The following MID2 variants were observed in gnomAD, a reference collection of about 807,000 sequenced individuals.
The protein encoded by MID2 is midline 2.
In MID2, 13 loss-of-function variants were observed where a neutral mutation model predicts 46.1. That is an observed-to-expected ratio of 0.28 (90% CI 0.18 to 0.45). The LOEUF (loss-of-function observed/expected upper bound fraction) is 0.45. MID2 is among the 20% of genes least tolerant of loss of function. The pLI is 1.00. For missense variants in MID2, 431 were observed against 575.4 expected (o/e 0.75, Z 2.57); for synonymous variants, 199 against 212.3 (o/e 0.94, Z 0.55).
rs1602504436 is a variant in MID2 at position 107,913,454 on chromosome X, T to C, written c.1074-2548T>C. Among the ~76,000 whole-genome samples the C allele has an allele frequency of 2.7e-5, 3 of 112,195 alleles. No individual in the cohort carries two copies. In the South Asian group the frequency reaches 1.1e-3, roughly 41 times the overall value. On this transcript the variant is annotated intron_variant, in intron 5 of 9. Coordinates refer to ENST00000262843, the MANE Select transcript of MID2 (RefSeq NM_012216.4). ...GAACTGTGGTGTCAAAGAAGACTTA[T>C]ATTTTAAGCTATTTTGAAATTTAAT...
intron 3 of MID2, among the ~76,000 whole-genome samples, chrX:107,903,325 G>GT (rs200111395): frequency 0.075 from 7,450 of 99,712 alleles, 263 homozygotes; most frequent in East Asian, 0.17. Context: ...CAGAATGGTA[G>GT]TTTTTTTTTT....
rs746654148 is a variant in MID2 at position 107,851,652 on chromosome X, AAAC to A, written c.721-2930_721-2928del. On this transcript the variant is annotated intron_variant, in intron 2 of 9. Coordinates refer to ENST00000262843, the MANE Select transcript of MID2 (RefSeq NM_012216.4). ...ACAGCTTTTGGTAAGTCCTCAGTGCAAACAACAACAACAACAACAACAACAACA... is the reference window on the plus strand; with the variant it reads ...ACAGCTTTTGGTAAGTCCTCAGTGCAAACAACAACAACAACAACAACAACA... Among the ~76,000 whole-genome samples, 199 of 108,805 alleles carry A rather than the reference AAAC, an allele frequency of 1.8e-3. 1 individual carries two copies. Among genetic ancestry groups the A allele is most frequent in the African/African-American group, 3.4e-3 (102 of 29,854 alleles). The allele number at this position is 108,805 out of a possible 115,157, so 94.5% of individuals were successfully genotyped here.
At chrX:107,916,200 T>C in intron 6 of MID2, 71 bp downstream of exon 6, 1 of 839,647 alleles carries the variant, frequency 1.2e-6, no homozygotes. Flanking sequence ...TAAAAATAAT[T>C]TGAAAAAGAC....
At position 107,931,539 on chromosome X, in the gene MID2, G is replaced by T. The variant is rs1390955302; in HGVS notation, c.*4466G>T. ...GTGTCTCTCCTAGTGACAGAAATATGAGCATCTGTGGATTACACAGCCTCA... is the reference window on the plus strand; with the variant it reads ...GTGTCTCTCCTAGTGACAGAAATATTAGCATCTGTGGATTACACAGCCTCA... On this transcript the variant is annotated 3_prime_UTR_variant, in exon 10 of 10. Transcript: ENST00000262843. Among the ~76,000 whole-genome samples, 2 of 112,043 alleles carry T rather than the reference G, an allele frequency of 1.8e-5. No homozygotes were observed. The highest frequency in any genetic ancestry group is 3.2e-5 in the African/African-American group (1 of 30,850).
chrX:107,902,247 T>C, intron 3 of MID2, among the ~76,000 whole-genome samples: 1 of 112,072 alleles, frequency 8.9e-6, no homozygotes, highest in Non-Finnish European at 1.9e-5. Context: ...GCATATAGTG[T>C]TATGTAAAGG....
rs759856205 is a variant in MID2 at position 107,911,279 on chromosome X, T to A, written c.1074-4723T>A. 2.7e-5 allele frequency among the ~76,000 whole-genome samples: 3 copies of A among 111,788 alleles called. No homozygotes were observed. In the East Asian group the frequency reaches 8.4e-4, roughly 31 times the overall value. On this transcript the variant is annotated intron_variant, in intron 5 of 9. Transcript: ENST00000262843. ...TTGCTAATAATTTCCTCCCCTTTAT[T>A]CTTTCTCTTCTTTGTTTATGGGACT... is the stretch of plus-strand genomic sequence containing the variant.
At chrX:107,912,718 T>C (rs2147868915) in intron 5 of MID2, among the ~76,000 whole-genome samples, 1 of 111,465 alleles carries the variant, frequency 9.0e-6, no homozygotes, top group South Asian at 3.8e-4. Context: ...TCTAGATGGT[T>C]ATGATTCCCA....
chrX:107,837,682 G>T (rs1314134557), intron 1 of MID2, among the ~76,000 whole-genome samples: 1 of 110,599 alleles, frequency 9.0e-6, no homozygotes, highest in Admixed American at 9.6e-5. Context: ...TAAGGGAAAA[G>T]AGCACAGGCA....
rs761544014 is a variant in MID2, at chrX:107,906,320, C to T, written c.1073+694C>T. On this transcript the variant is annotated intron_variant, in intron 5 of 9. Coordinates refer to ENST00000262843, the MANE Select transcript of MID2 (RefSeq NM_012216.4). ...TCATTGAAGACCTTGGCTCCAGGCTCGCAGTGTTCCTCCCATTGCCTCTGC... is the reference window on the plus strand; with the variant it reads ...TCATTGAAGACCTTGGCTCCAGGCTTGCAGTGTTCCTCCCATTGCCTCTGC... Among the ~76,000 whole-genome samples the T allele has an allele frequency of 1.6e-4, 18 of 111,213 alleles. 1 individual carries two copies. The highest frequency in any genetic ancestry group is 5.9e-4 in the African/African-American group (18 of 30,544).
At position 107,925,189 on chromosome X, in the gene MID2, C is replaced by G. The variant is rs1286311435; in HGVS notation, c.1597+685C>G. ...AACTTTCCTAGAACTTTCCCCTGCT[C>G]TGTCTGACTTCTGCTTCCATCTGCT... On this transcript the variant is annotated intron_variant, in intron 8 of 9. Coordinates refer to ENST00000262843, the MANE Select transcript of MID2 (RefSeq NM_012216.4). Among the ~76,000 whole-genome samples, 4 of 112,496 alleles carry G rather than the reference C, an allele frequency of 3.6e-5. No homozygotes were observed. In the Admixed American group the frequency reaches 3.8e-4, roughly 11 times the overall value.
Position 107,927,056 on chromosome X carries a change from A to T in MID2, c.2191A>T (p.Met731Leu), listed in dbSNP as rs770377187. The T allele has an allele frequency of 8.3e-7, 1 of 1,203,624 alleles. No homozygotes were observed. The highest frequency in any genetic ancestry group is 1.8e-5 in the South Asian group (1 of 55,525). ...RPQESPYVSGMKTCH is the reference protein window; with the variant it reads ...RPQESPYVSGLKTCH ...TCAAGAATCCCCTTATGTTTCTGGGATGAAAACCTGTCATTAAGTTTCAGG... is the reference window on the plus strand; with the variant it reads ...TCAAGAATCCCCTTATGTTTCTGGGTTGAAAACCTGTCATTAAGTTTCAGG... Residue 731 changes from methionine (M) to leucine (L), a missense_variant, in exon 10 of 10, where the codon ATG (methionine) becomes TTG (leucine). Met to Leu is a conservative substitution (Grantham distance 15). Coordinates refer to ENST00000262843, the MANE Select transcript of MID2 (RefSeq NM_012216.4).
rs1427997138 is a variant in MID2, at chrX:107,929,977, A to T, written c.*2904A>T. Among the ~76,000 whole-genome samples the T allele has an allele frequency of 8.9e-6, 1 of 111,924 alleles. No individual in the cohort carries two copies. Among genetic ancestry groups the T allele is most frequent in the African/African-American group, 3.2e-5 (1 of 30,780 alleles). On this transcript the variant is annotated 3_prime_UTR_variant, in exon 10 of 10. Transcript: ENST00000262843. The stretch of plus-strand genomic sequence containing the variant: ...GGTTCCCACTCCTGACCTAACCAGA[A>T]TATCTGAGAACATAGGCAGGAATTT...
chrX:107,856,213 T>A (rs1252777489), intron 3 of MID2, among the ~76,000 whole-genome samples: 1 of 112,109 alleles, frequency 8.9e-6, no homozygotes, highest in Non-Finnish European at 1.9e-5. Context: ...TATTTCAAAG[T>A]GGCTTTCAGC....
At position 107,929,263 on chromosome X, in the gene MID2, C is replaced by T. The variant is rs1933241076; in HGVS notation, c.*2190C>T. Among the ~76,000 whole-genome samples the T allele has an allele frequency of 9.0e-6, 1 of 111,072 alleles. No individual in the cohort carries two copies. Among genetic ancestry groups the T allele is most frequent in the Non-Finnish European group, 1.9e-5 (1 of 52,892 alleles). On this transcript the variant is annotated 3_prime_UTR_variant, in exon 10 of 10. Transcript: ENST00000262843. ...CATTTCTCAGTCACCTTTGTCTCTT[C>T]CCTAGGGCATATCCCCAAATTCTTA...
rs747283748 is a variant in MID2, at chrX:107,927,223, T to C, written c.*150T>C. 2 of 447,048 alleles carry C rather than the reference T, an allele frequency of 4.5e-6. No individual in the cohort carries two copies. Among genetic ancestry groups the C allele is most frequent in the Admixed American group, 4.9e-5 (1 of 20,259 alleles). 36.8% of individuals were successfully genotyped at this position (447,048 alleles called of 1,213,427 possible). On this transcript the variant is annotated 3_prime_UTR_variant, in exon 10 of 10. Transcript: ENST00000262843. ...ATATTGCAGATTTAATTTTTGTGCA[T>C]TAAAGCTTGTATTTGAATTAATTTA...
intron 3 of MID2, among the ~76,000 whole-genome samples, chrX:107,881,690 A>G (rs1932322199): frequency 8.9e-6 from 1 of 112,469 alleles, no homozygotes. Context: ...AACAGCACTC[A>G]TTAATTATTC....
At chrX:107,880,782 G>T (rs1932301744) in intron 3 of MID2, among the ~76,000 whole-genome samples, 1 of 111,901 alleles carries the variant, frequency 8.9e-6, no homozygotes, top group Admixed American at 9.4e-5. Context: ...TCGAGTTTTG[G>T]GGAAGGGTTC....
At chrX:107,879,992 T>C (rs1306808230) in intron 3 of MID2, among the ~76,000 whole-genome samples, 1 of 108,218 alleles carries the variant, frequency 9.2e-6, no homozygotes, top group Non-Finnish European at 1.9e-5. Flanking sequence ...ACTAAAACTA[T>C]AACTGTCCAG....
At chrX:107,831,366 T>G (rs1348512364) in intron 1 of MID2, among the ~76,000 whole-genome samples, 4 of 112,056 alleles carry the variant, frequency 3.6e-5, no homozygotes, top group African/African-American at 1.3e-4. Flanking sequence ...CATCATACAA[T>G]CTGAAATCGT....
Sources: gnomAD v4.1 joint callset for allele counts (sites outside exome capture counted in the v4.1 genomes callset) on GRCh38, gnomAD v4.1.1 for gene constraint, MANE v1.5 for transcripts, NCBI Gene and HGNC (gene_info 2026-07-23, HGNC 2026-07-21) for gene names.